The following S100A10 variants were observed in gnomAD, a reference collection of about 807,000 sequenced individuals.
S100A10 encodes the protein protein S100-A10.
S100A10 carries 3 observed loss-of-function variants against 7.1 expected under a neutral mutation model. The ratio of observed to expected loss-of-function variants is 0.42; its 90% CI spans 0.19 to 1.10. The LOEUF is 1.10. Ranked by LOEUF, S100A10 falls within the 50% of genes least tolerant of loss-of-function variation. The probability of loss-of-function intolerance (pLI) is 0.29; values close to 1 mark genes in which losing one functional copy is unlikely to be tolerated. For missense variants in S100A10, 101 were observed against 118.1 expected (o/e 0.86, Z 0.67); for synonymous variants, 41 against 39.3 (o/e 1.04, Z -0.16).
chr1:151,992,268 T>C (rs182480384), intron 1 of S100A10, among the ~76,000 whole-genome samples: 2 of 152,314 alleles, frequency 1.3e-5, no homozygotes, highest in Admixed American at 1.3e-4. Flanking sequence ...TGGCCTCACC[T>C]AAAACGCACA....
intron 1 of S100A10, 42 bp from the exon 2 acceptor site, chr1:151,986,293 T>G: frequency 7.2e-7 from 1 of 1,393,496 alleles, no homozygotes. Context: ...ATTAACTTTT[T>G]TTGGCAGACT....
At chr1:151,991,364 A>G (rs1405602200) in intron 1 of S100A10, among the ~76,000 whole-genome samples, 3 of 152,186 alleles carry the variant, frequency 2.0e-5, no homozygotes, top group African/African-American at 7.2e-5. Flanking sequence ...TTCAGATGCA[A>G]TTCAATAGGA....
At chr1:151,987,027 C>CTT (rs386368314) in intron 1 of S100A10, among the ~76,000 whole-genome samples, 26,410 of 83,432 alleles carry the variant, frequency 0.32, 8,554 homozygotes, top group East Asian at 0.55. Flanking sequence ...CAGTGTTCCT[C>CTT]TTTTTTTTTT....
intron 2 of S100A10, among the ~76,000 whole-genome samples, 158 bp from the exon 3 acceptor site, chr1:151,983,482 T>A (rs1655737745): frequency 6.6e-6 from 1 of 151,720 alleles, no homozygotes. Flanking sequence ...AAATGTATTT[T>A]TTTTTTTTTT....
rs779557185 is a variant in S100A10, at chr1:151,983,260, T to A, written c.197A>T (p.Lys66Ile). 2.5e-6 allele frequency: 4 copies of A among 1,609,404 alleles called. No individual in the cohort carries two copies. In the African/African-American group the frequency reaches 5.4e-5, roughly 22 times the overall value. The change falls in exon 3 of 3, where the codon AAA (lysine) becomes ATA (isoleucine). Residue 66 changes from lysine (K) to isoleucine (I), a missense_variant. By Grantham distance (102) the Lys-to-Ile change is moderately radical (BLOSUM62 -3). Transcript: ENST00000368811. ...GGAAAAGAAGCTCTGGAAGCCCACT[T>A]TGCCATCTCTACACTGGTCCAGGTC... ...MKDLDQCRDG[K>I]VGFQSFFSLI...
In S100A10 at chr1:151,983,194, AC is replaced by A; in HGVS notation, c.262del (p.Val88Ter). 1 of 1,593,306 alleles carries A rather than the reference AC, an allele frequency of 6.3e-7. No homozygotes were observed. The highest frequency in any genetic ancestry group is 8.5e-7 in the Non-Finnish European group (1 of 1,173,944). On this transcript the variant is annotated frameshift_variant, in exon 3 of 3. Transcript: ENST00000368811. LOFTEE classifies it high-confidence loss of function. ...GLTIACNDYF[V>X]VHMKQKGKK ...CTTTCCCTTCTGCTTCATGTGTACT[AC>A]AAAATAGTCATTGCATGCAATGGTG...
At chr1:151,986,067 G>A (rs780990606) in intron 2 of S100A10, 32 bp downstream of exon 2, 5 of 1,560,280 alleles carry the variant, frequency 3.2e-6, no homozygotes, top group Admixed American at 2.1e-5. Flanking sequence ...TGACTTTTAT[G>A]TCTGGTTCTT....
At chr1:151,990,654 T>C (rs1328462345) in intron 1 of S100A10, among the ~76,000 whole-genome samples, 1 of 152,190 alleles carries the variant, frequency 6.6e-6, no homozygotes, top group Non-Finnish European at 1.5e-5. Context: ...GTCCCAGACA[T>C]GGTGTTAGGC....
intron 1 of S100A10, among the ~76,000 whole-genome samples, chr1:151,987,563 G>A (rs1319168395): frequency 7.2e-5 from 9 of 125,578 alleles, no homozygotes; most frequent in Non-Finnish European, 4.8e-5. Context: ...TTTTTGAGAC[G>A]GAGTCTTGCT....
Position 151,983,284 on chromosome 1 carries a change from T to C in S100A10, c.173A>G (p.Asp58Gly), listed in dbSNP as rs1655733865. 3 of 1,577,526 alleles carry C rather than the reference T, an allele frequency of 1.9e-6. No individual in the cohort carries two copies. Among genetic ancestry groups the C allele is most frequent in the Non-Finnish European group, 1.7e-6 (2 of 1,168,186 alleles). Residue 58 changes from aspartate (D) to glycine (G), a missense_variant, in exon 3 of 3, where the codon GAC (aspartate) becomes GGC (glycine). Physicochemically the swap from Asp to Gly is moderately conservative, Grantham distance 94 (BLOSUM62 -1). Transcript: ENST00000368811. ...DPLAVDKIMKDLDQCRDGKVG... is the reference protein window; with the variant it reads ...DPLAVDKIMKGLDQCRDGKVG... ...TTTGCCATCTCTACACTGGTCCAGG[T>C]CCTTCATTATTTTGTCCACAGCCAG...
At chr1:151,986,923 C>T (rs768545468) in intron 1 of S100A10, among the ~76,000 whole-genome samples, 6 of 151,402 alleles carry the variant, frequency 4.0e-5, no homozygotes, top group Admixed American at 1.3e-4. Flanking sequence ...ACCTCAGATA[C>T]TGGTGCTGTA....
At chr1:151,987,022 TTCC>T (rs1488611563) in intron 1 of S100A10, among the ~76,000 whole-genome samples, 1 of 137,706 alleles carries the variant, frequency 7.3e-6, no homozygotes, top group Non-Finnish European at 1.5e-5. Flanking sequence ...AACATCAGTG[TTCC>T]TCTTTTTTTT....
intron 1 of S100A10, among the ~76,000 whole-genome samples, chr1:151,988,215 A>T (rs186714038): frequency 6.5e-4 from 99 of 152,356 alleles, no homozygotes; most frequent in African/African-American, 2.2e-3. Context: ...AATTGGAAGG[A>T]ATCATTTGGC....
chr1:151,983,022 A>G lies in S100A10; in HGVS notation c.*141T>C, dbSNP rs1572106986. 1.9e-6 allele frequency: 1 copy of G among 523,612 alleles called. No homozygotes were observed. The highest frequency in any genetic ancestry group is 3.1e-5 in the Admixed American group (1 of 32,362). 32.4% of individuals were successfully genotyped at this position (523,612 alleles called of 1,614,324 possible). A position where few individuals can be genotyped will look rare whatever the true frequency, so the allele number is the denominator to read the frequency against. On this transcript the variant is annotated 3_prime_UTR_variant, in exon 3 of 3. Coordinates refer to ENST00000368811, the MANE Select transcript of S100A10 (RefSeq NM_002966.3). Reference sequence around the variant, plus strand: ...CTTTTCTTTCTCTGCTTGTCAAATGAGAGTTAGATTTTATTTTTACATTTG... The same window carrying G: ...CTTTTCTTTCTCTGCTTGTCAAATGGGAGTTAGATTTTATTTTTACATTTG...
intron 1 of S100A10, among the ~76,000 whole-genome samples, chr1:151,991,324 C>G (rs561412057): frequency 6.6e-6 from 1 of 152,106 alleles, no homozygotes; most frequent in African/African-American, 2.4e-5. Flanking sequence ...TAAAACTTGC[C>G]CACTAAAGAA....
intron 1 of S100A10, among the ~76,000 whole-genome samples, chr1:151,987,457 A>T (rs1655816200): frequency 6.6e-6 from 1 of 152,166 alleles, no homozygotes; most frequent in African/African-American, 2.4e-5. Flanking sequence ...TCTAAGCTTA[A>T]AGTGGTAACT....
intron 2 of S100A10, chr1:151,985,014 G>T (rs1376556536): frequency 6.6e-6 from 1 of 152,356 alleles, no homozygotes; most frequent in East Asian, 1.9e-4. Flanking sequence ...GAGCAGTTAG[G>T]CTATTTATAT....
chr1:151,988,910 G>A (rs1331022957), intron 1 of S100A10, among the ~76,000 whole-genome samples: 3 of 152,178 alleles, frequency 2.0e-5, no homozygotes, highest in Non-Finnish European at 4.4e-5. Context: ...CAGGAAAGGA[G>A]TCAGACACCA....
At chr1:151,990,998 A>C (rs144433546) in intron 1 of S100A10, among the ~76,000 whole-genome samples, 2 of 152,274 alleles carry the variant, frequency 1.3e-5, no homozygotes, top group East Asian at 3.9e-4. Context: ...CTTTGGACCT[A>C]TGCCCAGATC....
Sources: allele counts gnomAD v4.1 joint callset (sites outside exome capture counted in the v4.1 genomes callset), GRCh38; gene constraint gnomAD v4.1.1; transcripts MANE v1.5; gene names NCBI Gene and HGNC (gene_info 2026-07-23, HGNC 2026-07-21).